Variants in ITGB4 observed in about 807,000 individuals in gnomAD.
The protein encoded by ITGB4 is integrin subunit beta 4, also known as integrin beta-4.
ITGB4 carries 159 observed loss-of-function variants against 207.6 expected under a neutral mutation model. The ratio of observed to expected loss-of-function variants is 0.77; its 90% CI spans 0.67 to 0.87. The LOEUF is 0.87. Ranked by LOEUF, ITGB4 falls within the 40% of genes least tolerant of loss-of-function variation. The probability of loss-of-function intolerance (pLI) is 0.00; values close to 1 mark genes in which losing one functional copy is unlikely to be tolerated. For synonymous variants in ITGB4, 1,020 were observed against 1,062.7 expected, an observed-to-expected ratio of 0.96 and a Z score of 0.78; for missense variants, 2,278 against 2,546.8, an observed-to-expected ratio of 0.89 and a Z score of 2.27.
chr17:75,757,407 C>T lies in ITGB4; in HGVS notation c.5330-9C>T. ...CAAGCCAGGTCATCTAATGCCTCCTCCTCCACAGATGGGCTGACCCTGGGG... is the reference window on the plus strand; with the variant it reads ...CAAGCCAGGTCATCTAATGCCTCCTTCTCCACAGATGGGCTGACCCTGGGG... On this transcript the variant is annotated splice_polypyrimidine_tract_variant and intron_variant, in intron 39 of 39. Coordinates refer to ENST00000200181, the MANE Select transcript of ITGB4 (RefSeq NM_000213.5). 3.1e-6 allele frequency: 5 copies of T among 1,613,132 alleles called. No homozygotes were observed. In the East Asian group the frequency reaches 1.1e-4, roughly 36 times the overall value.
chr17:75,733,136 T>C (rs1395052670), intron 12 of ITGB4, among the ~76,000 whole-genome samples: 1 of 144,274 alleles, frequency 6.9e-6, no homozygotes, highest in Non-Finnish European at 1.5e-5. Flanking sequence ...CGCCTGTAAT[T>C]TCAGCACTTT....
At position 75,753,824 on chromosome 17, in the gene ITGB4, T is replaced by C. The variant is rs1223410449; in HGVS notation, c.4168T>C (p.Trp1390Arg). The change falls in exon 33 of 40, where the codon TGG (tryptophan) becomes CGG (arginine). Residue 1390 changes from tryptophan to arginine, a missense_variant. Physicochemically the swap from Trp to Arg is moderately radical, Grantham distance 101. Coordinates refer to ENST00000200181, the MANE Select transcript of ITGB4 (RefSeq NM_000213.5). ...GEELDLRRVT[W>R]RLPPELIPRL... ...GGAGCTGGACCTGCGGCGCGTCACG[T>C]GGCGGCTGCCCCCGGAGCTCATCCC... is the stretch of plus-strand genomic sequence containing the variant. 6.2e-6 allele frequency: 9 copies of C among 1,461,688 alleles called. No individual in the cohort carries two copies. Among genetic ancestry groups the C allele is most frequent in the South Asian group, 1.4e-5 (1 of 71,168 alleles). The allele number at this position is 1,461,688 out of a possible 1,614,324, so 90.5% of individuals were successfully genotyped here. A position where few individuals can be genotyped will look rare whatever the true frequency, so the allele number is the denominator to read the frequency against.
intron 35 of ITGB4, 74 bp downstream of exon 35, chr17:75,755,924 C>G: frequency 6.5e-7 from 1 of 1,533,450 alleles, no homozygotes; most frequent in South Asian, 1.2e-5. Flanking sequence ...CATAGGGTAC[C>G]TCAGCTGTGT....
At position 75,731,908 on chromosome 17, in the gene ITGB4, C is replaced by A. The variant is rs771904583; in HGVS notation, c.1312C>A (p.Pro438Thr). Residue 438 changes from proline to threonine, a missense_variant, in exon 11 of 40, where the codon CCT becomes ACT. Pro to Thr is a conservative substitution (Grantham distance 38, BLOSUM62 -1). Coordinates refer to ENST00000200181, the MANE Select transcript of ITGB4 (RefSeq NM_000213.5). The surrounding 1 kb of genome is among the most constrained non-coding windows in gnomAD (Gnocchi z 6.8). ...EDQKGNIHLK[P>T]SFSDGLKMDA... is the part of the protein sequence containing the mutation. ...CCAGAAGGGCAACATCCATCTGAAACCTTCCTTCTCCGACGGCCTCAAGAT... is the reference window on the plus strand; with the variant it reads ...CCAGAAGGGCAACATCCATCTGAAAACTTCCTTCTCCGACGGCCTCAAGAT... 1 of 1,614,090 alleles carries A rather than the reference C, an allele frequency of 6.2e-7. No homozygotes were observed. Among genetic ancestry groups the A allele is most frequent in the Non-Finnish European group, 8.5e-7 (1 of 1,180,034 alleles).
Position 75,752,489 on chromosome 17 carries a change from G to A in ITGB4, c.4020G>A (p.Gly1340=). The stretch of plus-strand genomic sequence containing the variant: ...TCCCTATCGTGGACGCCCAGAGCGG[G>A]GAGGACTACGACAGCTTCCTTATGT... The part of the protein sequence containing the change: ...PDIPIVDAQS[G]EDYDSFLMYS... The change falls in exon 32 of 40, where the codon GGG becomes GGA. Residue 1340 remains glycine, a synonymous_variant. Transcript: ENST00000200181. 6.2e-7 allele frequency: 1 copy of A among 1,613,690 alleles called. No individual in the cohort carries two copies. The highest frequency in any genetic ancestry group is 2.2e-5 in the East Asian group (1 of 44,866).
At chr17:75,723,196 A>T (rs1487878658) in intron 1 of ITGB4, among the ~76,000 whole-genome samples, 4 of 152,162 alleles carry the variant, frequency 2.6e-5, no homozygotes, top group Non-Finnish European at 5.9e-5. Context: ...GAAGTTCCAC[A>T]GCCTTCTGTG....
At position 75,750,555 on chromosome 17, in the gene ITGB4, C is replaced by A; in HGVS notation, c.3475-125C>A. On this transcript the variant is annotated intron_variant, in intron 28 of 39. Transcript: ENST00000200181. This position sits in a 1 kb window ranked among gnomAD's most constrained non-coding sequence, Gnocchi z 5.5. ...GTCCTGACGTGTGCACATGGCAGATCTCTCAGCCCCTCCCTCGGGCCTCAT... is the reference window on the plus strand; with the variant it reads ...GTCCTGACGTGTGCACATGGCAGATATCTCAGCCCCTCCCTCGGGCCTCAT... 1.1e-6 allele frequency: 1 copy of A among 909,038 alleles called. No homozygotes were observed. Among genetic ancestry groups the A allele is most frequent in the Non-Finnish European group, 1.7e-6 (1 of 574,964 alleles). 56.3% of individuals were successfully genotyped at this position (909,038 alleles called of 1,614,324 possible).
Position 75,742,512 on chromosome 17 carries a change from C to T in ITGB4, c.2782+23C>T, listed in dbSNP as rs768875978. ...AGGGTAGGAGGGCGGGTCCGCTGTG[C>T]CACTGCCTCGCACCTCCCGCCTGTG... On this transcript the variant is annotated intron_variant, in intron 24 of 39. Coordinates refer to ENST00000200181, the MANE Select transcript of ITGB4 (RefSeq NM_000213.5). The surrounding 1 kb of genome is among the most constrained non-coding windows in gnomAD (Gnocchi z 5.9). 101 of 1,613,064 alleles carry T rather than the reference C, an allele frequency of 6.3e-5. No homozygotes were observed. Among genetic ancestry groups the T allele is most frequent in the Non-Finnish European group, 8.3e-5 (98 of 1,179,832 alleles).
Position 75,753,945 on chromosome 17 carries a change from C to T in ITGB4, c.4289C>T (p.Pro1430Leu). 7.9e-7 allele frequency: 1 copy of T among 1,273,654 alleles called. No homozygotes were observed. 78.9% of individuals were successfully genotyped at this position (1,273,654 alleles called of 1,614,324 possible). Residue 1430 changes from proline to leucine, a missense_variant, in exon 33 of 40, where the codon CCC becomes CTC. By Grantham distance (98) the Pro-to-Leu change is moderately conservative. Coordinates refer to ENST00000200181, the MANE Select transcript of ITGB4 (RefSeq NM_000213.5). ...GGAGGKGGSL[P>L]RSATPGPPGE... ...GCGGGCGGGAAGGGCGGCAGCCTGC[C>T]CCGCAGTGCGACACCCGGGCCCCCC...
chr17:75,753,918 G>A lies in ITGB4; in HGVS notation c.4262G>A (p.Gly1421Asp), dbSNP rs1182845915. ...CCCCACGGGCCCCCGGACGACGGCGGCGCGGGCGGGAAGGGCGGCAGCCTG... is the reference window on the plus strand; with the variant it reads ...CCCCACGGGCCCCCGGACGACGGCGACGCGGGCGGGAAGGGCGGCAGCCTG... ...EAPHGPPDDG[G>D]AGGKGGSLPR... The change falls in exon 33 of 40, where the codon GGC becomes GAC. Residue 1421 changes from glycine to aspartate, a missense_variant. By Grantham distance (94) the Gly-to-Asp change is moderately conservative. Transcript: ENST00000200181. The A allele has an allele frequency of 3.9e-6, 5 of 1,287,160 alleles. No individual in the cohort carries two copies. The highest frequency in any genetic ancestry group is 1.6e-5 in the African/African-American group (1 of 64,402). 79.7% of individuals were successfully genotyped at this position (1,287,160 alleles called of 1,614,324 possible). A position where few individuals can be genotyped will look rare whatever the true frequency, so the allele number is the denominator to read the frequency against.
chr17:75,735,928 C>T (rs1218346767), intron 13 of ITGB4, 123 bp from the exon 14 acceptor site: 8 of 870,732 alleles, frequency 9.2e-6, no homozygotes, highest in Non-Finnish European at 1.6e-5. Context: ...ATGACTTCTA[C>T]CCCAGGCTAG....
chr17:75,733,042 G>A (rs751253594), intron 12 of ITGB4, among the ~76,000 whole-genome samples: 8 of 151,762 alleles, frequency 5.3e-5, no homozygotes, highest in Non-Finnish European at 7.4e-5. Context: ...CTGAGATCGC[G>A]CCACTGCACT....
chr17:75,756,601 A>T lies in ITGB4; in HGVS notation c.4881A>T (p.Pro1627=). 2 of 1,612,820 alleles carry T rather than the reference A, an allele frequency of 1.2e-6. No homozygotes were observed. The highest frequency in any genetic ancestry group is 1.7e-6 in the Non-Finnish European group (2 of 1,179,930). Residue 1627 remains proline, a synonymous_variant, in exon 36 of 40, where the codon CCA becomes CCT. Transcript: ENST00000200181. The stretch of plus-strand genomic sequence containing the variant: ...AATCCCAGGTGCACCCGCAGAGCCC[A>T]CTGTGTCCCCTGCCAGGTGAGTTGC... The part of the protein sequence containing the change: ...TIESQVHPQS[P]LCPLPGSAFT...
rs953048163 is a variant in ITGB4, at chr17:75,754,819, A to C, written c.4558+4A>C. On this transcript the variant is annotated splice_donor_region_variant and intron_variant, in intron 34 of 39. Coordinates refer to ENST00000200181, the MANE Select transcript of ITGB4 (RefSeq NM_000213.5). ...CTCACCTCCGTCTCCTCCCACGGTG[A>C]GTGACCTCAGCCAACCCTGCCTCTC... 3 of 1,613,872 alleles carry C rather than the reference A, an allele frequency of 1.9e-6. No homozygotes were observed. The African/African-American group carries it at 4.0e-5, about 22-fold the overall frequency.
Position 75,722,756 on chromosome 17 carries a change from C to CGTGT in ITGB4, c.-11+1144_-11+1145insGTGT, listed in dbSNP as rs1476736666. 5.0e-5 allele frequency among the ~76,000 whole-genome samples: 2 copies of CGTGT among 39,724 alleles called. No individual in the cohort carries two copies. Among genetic ancestry groups the CGTGT allele is most frequent in the Non-Finnish European group, 1.2e-4 (2 of 17,352 alleles). The allele number at this position is 39,724 out of a possible 152,430, so 26.1% of individuals were successfully genotyped here. A position where few individuals can be genotyped will look rare whatever the true frequency, so the allele number is the denominator to read the frequency against. On this transcript the variant is annotated intron_variant, in intron 1 of 39. Transcript: ENST00000200181. The surrounding 1 kb of genome is among the most constrained non-coding windows in gnomAD (Gnocchi z 6.2). ...TGAGCCTGTGGGTGGGTGGGCATGGCCTGTGTGTGTGTGTGTGTGTGTGTG... is the reference window on the plus strand; with the variant it reads ...TGAGCCTGTGGGTGGGTGGGCATGGCGTGTCTGTGTGTGTGTGTGTGTGTGTGTG...
rs1410153035 is a variant in ITGB4 at position 75,748,822 on chromosome 17, T to TGACCCC, written c.3112-18_3112-13dup. On this transcript the variant is annotated intron_variant, in intron 26 of 39. Transcript: ENST00000200181. ...CAGCCCCCAGCCATGACCCTGACCC[T>TGACCCC]GACCCCCTCCACTCCCAGGACTACA... 1.4e-5 allele frequency: 23 copies of TGACCCC among 1,588,080 alleles called. No individual in the cohort carries two copies. Among genetic ancestry groups the TGACCCC allele is most frequent in the Non-Finnish European group, 1.9e-5 (22 of 1,166,860 alleles).
chr17:75,753,298 G>A (rs891238802), intron 32 of ITGB4, among the ~76,000 whole-genome samples: 3 of 152,216 alleles, frequency 2.0e-5, no homozygotes, highest in African/African-American at 4.8e-5. Context: ...GTGGAGCGCA[G>A]CTGGTGTGAC....
intron 26 of ITGB4, 124 bp downstream of exon 26, chr17:75,743,985 C>A (rs1458266564): frequency 2.6e-6 from 3 of 1,134,026 alleles, no homozygotes; most frequent in Admixed American, 4.6e-5. Context: ...GTGCCCCTGG[C>A]TGGCCTCCCA....
At chr17:75,749,514 G>A (rs2061316898) in intron 27 of ITGB4, among the ~76,000 whole-genome samples, 1 of 152,228 alleles carries the variant, frequency 6.6e-6, no homozygotes, top group East Asian at 1.9e-4. Context: ...GCCATGGAAT[G>A]AGATCCTGTC....
Sources: allele counts gnomAD v4.1 joint callset (sites outside exome capture counted in the v4.1 genomes callset), GRCh38; gene constraint gnomAD v4.1.1; non-coding constraint Gnocchi (gnomAD v3.1); transcripts MANE v1.5; gene names NCBI Gene and HGNC (gene_info 2026-07-23, HGNC 2026-07-21).